Variants in CACNA1D observed in about 807,000 individuals in gnomAD.
CACNA1D encodes the protein calcium voltage-gated channel subunit alpha1 D, also known as voltage-dependent L-type calcium channel subunit alpha-1D.
A neutral mutation model predicts 257.1 loss-of-function variants in CACNA1D; 55 were observed. The observed-to-expected ratio is 0.21, with a 90% CI of 0.17 to 0.27. The LOEUF (loss-of-function observed/expected upper bound fraction) is 0.27. Ranked by LOEUF, CACNA1D falls within the 10% of genes least tolerant of loss-of-function variation. The pLI, the probability that CACNA1D is intolerant of heterozygous loss-of-function variation, is 1.00. For missense variants in CACNA1D, 1,876 were observed against 2,784.0 expected (o/e 0.67, Z 7.34); for synonymous variants, 980 against 1,014.9 (o/e 0.97, Z 0.65).
intron 3 of CACNA1D, among the ~76,000 whole-genome samples, chr3:53,610,514 T>G (rs562102534): frequency 4.6e-5 from 7 of 152,314 alleles, no homozygotes; most frequent in African/African-American, 1.7e-4. Flanking sequence ...TTGATGTTCT[T>G]TGTTCTGAAA....
intron 9 of CACNA1D, among the ~76,000 whole-genome samples, chr3:53,714,299 C>T (rs936051779): frequency 6.6e-6 from 1 of 152,102 alleles, no homozygotes; most frequent in Non-Finnish European, 1.5e-5. Context: ...TAAGGCCTAG[C>T]CACTTGTCAG....
intron 23 of CACNA1D, 82 bp downstream of exon 23, chr3:53,744,909 T>A (rs2095153075): frequency 1.3e-6 from 1 of 796,172 alleles, no homozygotes; most frequent in Non-Finnish European, 2.3e-6. Context: ...AGAGCTGAGC[T>A]GAGGCCTGAT....
chr3:53,799,916 G>A (rs1487186963), intron 40 of CACNA1D: 2 of 386,180 alleles, frequency 5.2e-6, no homozygotes, highest in African/African-American at 4.1e-5. Flanking sequence ...CGAGCCTACT[G>A]AAGACTGTCA....
chr3:53,496,190 C>T (rs145601319), intron 1 of CACNA1D, among the ~76,000 whole-genome samples: 3 of 152,366 alleles, frequency 2.0e-5, no homozygotes, highest in African/African-American at 7.2e-5. Flanking sequence ...TCTCTCACTT[C>T]TGCTTCAGTG....
chr3:53,711,336 A>C (rs2094753064), intron 9 of CACNA1D, among the ~76,000 whole-genome samples: 1 of 152,196 alleles, frequency 6.6e-6, no homozygotes, highest in South Asian at 2.1e-4. Context: ...CTCGTGTGGG[A>C]AAGTTATATT....
chr3:53,539,715 T>C (rs1236120371), intron 3 of CACNA1D, among the ~76,000 whole-genome samples: 4 of 152,260 alleles, frequency 2.6e-5, no homozygotes, highest in African/African-American at 9.6e-5. Context: ...CAACAGCGTG[T>C]GAGCATTCCT....
In CACNA1D at chr3:53,537,190, TG is replaced by T. The variant is rs2092139617; in HGVS notation, c.483+35471del. ...ATAGTTAACATTCCAAAAAATGTTT[TG>T]TTTATACTAGAATATATATTCTTTT... On this transcript the variant is annotated intron_variant, in intron 3 of 47. Transcript: ENST00000350061. 2.0e-5 allele frequency among the ~76,000 whole-genome samples: 3 copies of T among 152,226 alleles called. No homozygotes were observed. In the South Asian group the frequency reaches 6.2e-4, roughly 31 times the overall value.
Position 53,774,532 on chromosome 3 carries a change from A to T in CACNA1D, c.4111-55A>T, listed in dbSNP as rs976210962. The T allele has an allele frequency of 3.7e-6, 4 of 1,084,412 alleles. No individual in the cohort carries two copies. Among genetic ancestry groups the T allele is most frequent in the African/African-American group, 1.5e-5 (1 of 64,770 alleles). The allele number at this position is 1,084,412 out of a possible 1,614,324, so 67.2% of individuals were successfully genotyped here. A position where few individuals can be genotyped will look rare whatever the true frequency, so the allele number is the denominator to read the frequency against. On this transcript the variant is annotated intron_variant, in intron 33 of 47. Coordinates refer to ENST00000350061, the MANE Select transcript of CACNA1D (RefSeq NM_001128840.3). The surrounding 1 kb of genome is among the most constrained non-coding windows in gnomAD (Gnocchi z 4.3). ...GAGTTAGTTCTAAATTCACATACGG[A>T]TTTTTTTTGCATGACGAAATCTATT...
chr3:53,753,520 T>G, intron 28 of CACNA1D, 52 bp from the exon 29 acceptor site: 1 of 1,179,746 alleles, frequency 8.5e-7, no homozygotes, highest in Non-Finnish European at 1.3e-6. Flanking sequence ...TGTGCAAGCA[T>G]GTGAGATCGT....
chr3:53,520,781 A>G (rs114094549), intron 3 of CACNA1D, among the ~76,000 whole-genome samples: 30,315 of 151,040 alleles, frequency 0.2, 3,414 homozygotes, highest in Middle Eastern at 0.26. Context: ...AAAAAAAATT[A>G]TTGGTTTATA....
chr3:53,731,914 G>A (rs1394330838), intron 17 of CACNA1D, 102 bp from the exon 18 acceptor site: 1 of 789,864 alleles, frequency 1.3e-6, no homozygotes, highest in African/African-American at 1.7e-5. Context: ...GCAGCTTTGG[G>A]GAGGAATCCA....
chr3:53,667,840 CAT>C (rs1491408681), intron 7 of CACNA1D, among the ~76,000 whole-genome samples: 37 of 137,120 alleles, frequency 2.7e-4, no homozygotes, highest in African/African-American at 9.6e-4. Flanking sequence ...TGTGTGTATG[CAT>C]GTGTGTGTGT....
intron 3 of CACNA1D, 93 bp from the exon 4 acceptor site, chr3:53,650,686 T>G: frequency 7.8e-7 from 1 of 1,279,024 alleles, no homozygotes. Context: ...CTTATATGTC[T>G]AAGGTGTTGA....
At position 53,665,760 on chromosome 3, in the gene CACNA1D, A is replaced by G. The variant is rs1246994159; in HGVS notation, c.867A>G (p.Gly289=). Residue 289 remains glycine (G), a synonymous_variant, in exon 6 of 48, where the codon GGA becomes GGG. Coordinates refer to ENST00000350061, the MANE Select transcript of CACNA1D (RefSeq NM_001128840.3). ...TAATCATAATCTATGCTATTATAGGATTGGAACTTTTTATTGGAAAAATGC... is the reference window on the plus strand; with the variant it reads ...TAATCATAATCTATGCTATTATAGGGTTGGAACTTTTTATTGGAAAAATGC... ...LFVIIIYAII[G]LELFIGKMHK... The G allele has an allele frequency of 6.2e-7, 1 of 1,610,980 alleles. No homozygotes were observed. Among genetic ancestry groups the G allele is most frequent in the South Asian group, 1.1e-5 (1 of 90,926 alleles).
intron 3 of CACNA1D, among the ~76,000 whole-genome samples, chr3:53,609,737 C>T (rs979657476): frequency 1.3e-5 from 2 of 152,088 alleles, no homozygotes; most frequent in African/African-American, 2.4e-5. Context: ...TGATTTTTCT[C>T]TATTGTTTGC....
intron 3 of CACNA1D, among the ~76,000 whole-genome samples, chr3:53,522,145 C>G (rs1277370652): frequency 6.6e-6 from 1 of 151,996 alleles, no homozygotes; most frequent in African/African-American, 2.4e-5. Context: ...GAAAAAAAAC[C>G]ACATTTCCAT....
intron 8 of CACNA1D, among the ~76,000 whole-genome samples, chr3:53,682,392 A>AAAC (rs2094440759): frequency 7.0e-6 from 1 of 142,438 alleles, no homozygotes. Context: ...AAAAAAAAAA[A>AAAC]AAAACAGAAG....
intron 3 of CACNA1D, among the ~76,000 whole-genome samples, chr3:53,580,242 G>GT (rs2093109124): frequency 6.6e-6 from 1 of 152,102 alleles, no homozygotes; most frequent in African/African-American, 2.4e-5. Flanking sequence ...GGTTAGTGAG[G>GT]TAAAAAAAAG....
At chr3:53,616,565 C>T (rs1368164674) in intron 3 of CACNA1D, among the ~76,000 whole-genome samples, 2 of 152,196 alleles carry the variant, frequency 1.3e-5, no homozygotes, top group Non-Finnish European at 2.9e-5. Context: ...TCTTCCTACC[C>T]ACCCCCTGAC....
Sources: allele counts gnomAD v4.1 joint callset (sites outside exome capture counted in the v4.1 genomes callset), GRCh38; gene constraint gnomAD v4.1.1; non-coding constraint Gnocchi (gnomAD v3.1); transcripts MANE v1.5; gene names NCBI Gene and HGNC (gene_info 2026-07-23, HGNC 2026-07-21).